MDGA2: variants seen among roughly 807,000 people sequenced by gnomAD.
The protein encoded by MDGA2 is MAM domain containing glycosylphosphatidylinositol anchor 2.
In MDGA2, 40 loss-of-function variants were observed where a neutral mutation model predicts 117.8. The observed-to-expected ratio is 0.34, with a 90% CI of 0.26 to 0.44. The LOEUF (loss-of-function observed/expected upper bound fraction) is 0.44, where lower values mean the gene tolerates loss of function less well. Among genes scored for constraint, MDGA2 ranks in the 20% least tolerant of loss-of-function variants. The pLI, the probability that MDGA2 is intolerant of heterozygous loss-of-function variation, is 1.00. For missense variants in MDGA2, 1,123 were observed against 1,250.6 expected (o/e 0.90, Z 1.54); for synonymous variants, 452 against 439.0 (o/e 1.03, Z -0.37).
intron 1 of MDGA2, among the ~76,000 whole-genome samples, chr14:47,395,418 T>C (rs571022199): frequency 4.9e-4 from 75 of 152,282 alleles, no homozygotes; most frequent in African/African-American, 1.8e-3. Context: ...TTATAATATA[T>C]ATCTACATAC....
At chr14:47,539,286 T>C (rs1895289301) in intron 1 of MDGA2, among the ~76,000 whole-genome samples, 1 of 152,322 alleles carries the variant, frequency 6.6e-6, no homozygotes, top group Admixed American at 6.5e-5. Flanking sequence ...CATGCAGGCA[T>C]TCTTGCAATA....
chr14:46,964,152 GAA>G (rs1426314869), intron 8 of MDGA2, among the ~76,000 whole-genome samples: 1 of 152,156 alleles, frequency 6.6e-6, no homozygotes, highest in Non-Finnish European at 1.5e-5. Context: ...AAAACCATGT[GAA>G]GAGGCCCAGA....
intron 10 of MDGA2, among the ~76,000 whole-genome samples, chr14:46,910,968 C>A (rs190728853): frequency 2.0e-5 from 3 of 152,132 alleles, no homozygotes; most frequent in Admixed American, 1.3e-4. Context: ...AAATAGAGGG[C>A]AACAACACAC....
intron 6 of MDGA2, among the ~76,000 whole-genome samples, chr14:47,087,460 C>CAAAAAAAAAAA (rs749371957): frequency 1.3e-4 from 9 of 67,960 alleles, no homozygotes; most frequent in Non-Finnish European, 1.7e-4. Context: ...GACTCCACAT[C>CAAAAAAAAAAA]AAAAAAAAAA....
chr14:46,889,588 T>A (rs12888154), intron 10 of MDGA2, among the ~76,000 whole-genome samples: 1 of 152,134 alleles, frequency 6.6e-6, no homozygotes, highest in Non-Finnish European at 1.5e-5. Context: ...CTTGGAACTG[T>A]CTTGGCTTTT....
At chr14:47,397,960 C>T (rs1473896790) in intron 1 of MDGA2, among the ~76,000 whole-genome samples, 6 of 152,250 alleles carry the variant, frequency 3.9e-5, no homozygotes, top group African/African-American at 1.4e-4. Context: ...TTACTATGTA[C>T]CAGGCACTGT....
chr14:46,860,803 T>C lies in MDGA2; in HGVS notation c.2753-5649A>G, dbSNP rs1007648190. ...TTTTTCTTGGTCCACTGTTCTCTTA[T>C]ATTCTTTCGTAAAGTTCATATTCTT... On this transcript the variant is annotated intron_variant, in intron 14 of 16. Coordinates refer to ENST00000399232, the MANE Select transcript of MDGA2 (RefSeq NM_001113498.3). Among the ~76,000 whole-genome samples the C allele has an allele frequency of 3.4e-4, 51 of 151,974 alleles. 1 individual carries two copies. The highest frequency in any genetic ancestry group is 7.7e-4 in the East Asian group (4 of 5,194).
chr14:46,846,554 A>G (rs1880848624), intron 15 of MDGA2, among the ~76,000 whole-genome samples: 3 of 152,118 alleles, frequency 2.0e-5, no homozygotes, highest in African/African-American at 4.8e-5. Flanking sequence ...TCAGTGCATG[A>G]ATATTGAAAG....
chr14:47,036,767 T>C (rs149424911), intron 7 of MDGA2, among the ~76,000 whole-genome samples: 8 of 152,366 alleles, frequency 5.3e-5, no homozygotes, highest in Middle Eastern at 3.4e-3. Flanking sequence ...TCAACTAATT[T>C]TGAAATGTTG....
At chr14:47,174,116 C>T (rs149902314) in intron 3 of MDGA2, among the ~76,000 whole-genome samples, 3,533 of 152,202 alleles carry the variant, frequency 0.023, 147 homozygotes, top group African/African-American at 0.08. Context: ...AATATATATG[C>T]ACCCAATACA....
At chr14:47,391,132 T>G (rs1037723595) in intron 1 of MDGA2, among the ~76,000 whole-genome samples, 31 of 152,162 alleles carry the variant, frequency 2.0e-4, no homozygotes, top group African/African-American at 7.2e-4. Flanking sequence ...ATAACCCTCC[T>G]CCGGTATGAT....
intron 1 of MDGA2, among the ~76,000 whole-genome samples, chr14:47,460,559 T>G (rs1230755278): frequency 2.0e-5 from 3 of 152,102 alleles, no homozygotes; most frequent in Admixed American, 6.6e-5. Context: ...TTTGCAAAAT[T>G]CATAACGAAA....
At chr14:46,927,648 C>T (rs1687800097) in intron 9 of MDGA2, among the ~76,000 whole-genome samples, 1 of 152,150 alleles carries the variant, frequency 6.6e-6, no homozygotes, top group African/African-American at 2.4e-5. Context: ...ATGTGTGTAA[C>T]AATTTATAAT....
At chr14:47,014,383 G>A (rs12589855) in intron 8 of MDGA2, among the ~76,000 whole-genome samples, 46,148 of 151,984 alleles carry the variant, frequency 0.3, 7,789 homozygotes, top group East Asian at 0.59. Flanking sequence ...CCTATCCTTT[G>A]AAGTTTTGAA....
At chr14:46,873,251 A>G (rs1882087913) in intron 14 of MDGA2, 182 bp downstream of exon 14, 1 of 509,690 alleles carries the variant, frequency 2.0e-6, no homozygotes, top group African/African-American at 2.0e-5. Flanking sequence ...CAAATTCCAA[A>G]TCTAAATTAG....
intron 1 of MDGA2, among the ~76,000 whole-genome samples, chr14:47,470,265 G>A (rs1566473291): frequency 5.6e-5 from 7 of 124,822 alleles, no homozygotes; most frequent in African/African-American, 1.6e-4. Flanking sequence ...CCTTCCCCCA[G>A]CCCCCCCACC....
intron 1 of MDGA2, among the ~76,000 whole-genome samples, chr14:47,489,758 T>C (rs1331309712): frequency 6.6e-6 from 1 of 152,082 alleles, no homozygotes; most frequent in Non-Finnish European, 1.5e-5. Flanking sequence ...AAGTACTCAA[T>C]GAAAGAGCTG....
At chr14:47,080,319 C>T (rs1033861523) in intron 6 of MDGA2, among the ~76,000 whole-genome samples, 13 of 152,160 alleles carry the variant, frequency 8.5e-5, no homozygotes, top group Admixed American at 1.3e-4. Flanking sequence ...CAATTTATAA[C>T]GCAAGATCAA....
At chr14:46,932,017 C>G (rs73237212) in intron 9 of MDGA2, among the ~76,000 whole-genome samples, 5,510 of 151,480 alleles carry the variant, frequency 0.036, 330 homozygotes, top group African/African-American at 0.13. Context: ...TGTACATAAC[C>G]CATAATTCGA....
Sources: allele counts gnomAD v4.1 joint callset (sites outside exome capture counted in the v4.1 genomes callset), GRCh38; gene constraint gnomAD v4.1.1; transcripts MANE v1.5; gene names NCBI Gene and HGNC (gene_info 2026-07-23, HGNC 2026-07-21).